The following ITCH variants were observed in gnomAD, a reference collection of about 807,000 sequenced individuals.
The protein encoded by ITCH is itchy E3 ubiquitin protein ligase.
In ITCH, 28 loss-of-function variants were observed where a neutral mutation model predicts 126.8. The observed-to-expected ratio is 0.22, with a 90% CI of 0.16 to 0.30. The LOEUF (loss-of-function observed/expected upper bound fraction) is 0.30, where lower values mean the gene tolerates loss of function less well. ITCH is among the 10% of genes least tolerant of loss of function. ITCH has a pLI of 1.00. For synonymous variants in ITCH, 342 were observed against 340.0 expected (o/e 1.01, Z -0.06); for missense variants, 631 against 1,032.4 (o/e 0.61, Z 5.33).
At chr20:34,427,300 A>G (rs1037867198) in intron 7 of ITCH, among the ~76,000 whole-genome samples, 15 of 152,294 alleles carry the variant, frequency 9.8e-5, no homozygotes, top group South Asian at 8.3e-4. Context: ...ATTAAAATCA[A>G]TGGGGCCGGT....
chr20:34,432,175 C>T (rs756155468), intron 7 of ITCH, among the ~76,000 whole-genome samples: 3 of 151,586 alleles, frequency 2.0e-5, no homozygotes, highest in Non-Finnish European at 2.9e-5. Context: ...ATCAGGTTAA[C>T]GCCTTAGCTT....
intron 14 of ITCH, among the ~76,000 whole-genome samples, chr20:34,462,833 C>G (rs1329772786): frequency 1.3e-5 from 2 of 152,142 alleles, no homozygotes; most frequent in Non-Finnish European, 2.9e-5. Flanking sequence ...GTCGAAGTAC[C>G]TCATATTATT....
At chr20:34,492,396 A>G (rs1010657583) in intron 22 of ITCH, 105 bp from the exon 23 acceptor site, 1 of 744,116 alleles carries the variant, frequency 1.3e-6, no homozygotes, top group African/African-American at 1.8e-5. Context: ...GGGACACCTC[A>G]CCTCTAAAAA....
chr20:34,412,295 A>T (rs1040218048), intron 4 of ITCH, among the ~76,000 whole-genome samples: 3 of 152,210 alleles, frequency 2.0e-5, no homozygotes, highest in Admixed American at 1.3e-4. Context: ...GTATGAATTT[A>T]CTTCTGTAGT....
At chr20:34,488,259 A>T (rs184999143) in intron 20 of ITCH, among the ~76,000 whole-genome samples, 1 of 150,952 alleles carries the variant, frequency 6.6e-6, no homozygotes, top group Non-Finnish European at 1.5e-5. Flanking sequence ...CTCAGCTTTT[A>T]TATGAAAACA....
chr20:34,389,697 T>C (rs374058075), intron 2 of ITCH, among the ~76,000 whole-genome samples: 17 of 152,220 alleles, frequency 1.1e-4, no homozygotes, highest in African/African-American at 3.6e-4. Flanking sequence ...AGGGACATTA[T>C]CCCTTTAGGG....
chr20:34,506,580 G>T (rs1348888630), intron 24 of ITCH, among the ~76,000 whole-genome samples: 2 of 152,152 alleles, frequency 1.3e-5, no homozygotes, highest in Non-Finnish European at 2.9e-5. Flanking sequence ...GATCTAGATT[G>T]TGCATTCCTT....
chr20:34,374,504 C>T, intron 2 of ITCH, among the ~76,000 whole-genome samples: 1 of 152,138 alleles, frequency 6.6e-6, no homozygotes, highest in Non-Finnish European at 1.5e-5. Context: ...AAGTGTTAGT[C>T]GTTGTTTTCA....
chr20:34,422,164 C>T (rs998052367), intron 6 of ITCH, among the ~76,000 whole-genome samples: 3 of 152,156 alleles, frequency 2.0e-5, no homozygotes, highest in Non-Finnish European at 4.4e-5. Context: ...TATAAATACT[C>T]TATGAAGTAG....
intron 5 of ITCH, 79 bp from the exon 6 acceptor site, chr20:34,413,663 A>G (rs1202378482): frequency 3.1e-6 from 4 of 1,303,406 alleles, no homozygotes; most frequent in African/African-American, 3.0e-5. Flanking sequence ...TCACATTTTT[A>G]ACAGTTAATT....
chr20:34,486,325 CTTTTT>C (rs75327787), intron 20 of ITCH, among the ~76,000 whole-genome samples: 1 of 144,764 alleles, frequency 6.9e-6, no homozygotes, highest in Non-Finnish European at 1.5e-5. Context: ...CAGTCCACAC[CTTTTT>C]TTTTTTTTCC....
chr20:34,440,078 T>C, intron 8 of ITCH, 77 bp from the exon 9 acceptor site: 1 of 1,046,894 alleles, frequency 9.6e-7, no homozygotes, highest in Non-Finnish European at 1.5e-6. Flanking sequence ...CTGCCTTTTA[T>C]TTTTTACAGT....
In ITCH at chr20:34,429,381, T is replaced by A. The variant is rs1048354019; in HGVS notation, c.521+4856T>A. The stretch of plus-strand genomic sequence containing the variant: ...CTAAAATAACTTAAACTTATTAAAA[T>A]AAATAAAATAAACCGCCAGTACTAT... On this transcript the variant is annotated intron_variant, in intron 7 of 24. Coordinates refer to ENST00000374864, the MANE Select transcript of ITCH (RefSeq NM_031483.7). Among the ~76,000 whole-genome samples, 4 of 152,164 alleles carry A rather than the reference T, an allele frequency of 2.6e-5. No homozygotes were observed. The East Asian group carries it at 7.7e-4, about 29-fold the overall frequency.
chr20:34,452,031 C>G (rs1985318894), intron 12 of ITCH, among the ~76,000 whole-genome samples: 1 of 143,722 alleles, frequency 7.0e-6, no homozygotes, highest in Non-Finnish European at 1.5e-5. Context: ...GATTTTGCCA[C>G]TGTGCTTCAG....
intron 12 of ITCH, among the ~76,000 whole-genome samples, chr20:34,456,174 G>A (rs1600385966): frequency 2.9e-5 from 1 of 34,192 alleles, no homozygotes; most frequent in African/African-American, 2.4e-4. Context: ...GTGTGTGTGT[G>A]TGTGTGTGTG....
intron 15 of ITCH, 34 bp from the exon 16 acceptor site, chr20:34,471,410 A>T (rs371810715): frequency 2.6e-5 from 33 of 1,283,272 alleles, no homozygotes; most frequent in East Asian, 2.3e-4. Flanking sequence ...TATTTTAATG[A>T]TGAGAGTTGA....
intron 16 of ITCH, among the ~76,000 whole-genome samples, chr20:34,472,499 T>C (rs1987744086): frequency 1.3e-5 from 2 of 151,782 alleles, no homozygotes. Context: ...TTAAAATAAC[T>C]AGTGAAAAAA....
In ITCH at chr20:34,365,182, CAG is replaced by C. The variant is rs775228627; in HGVS notation, c.-99+1836_-99+1837del. Among the ~76,000 whole-genome samples the C allele has an allele frequency of 4.6e-5, 7 of 151,728 alleles. No individual in the cohort carries two copies. In the South Asian group the frequency reaches 1.2e-3, roughly 27 times the overall value. On this transcript the variant is annotated intron_variant, in intron 1 of 24. Coordinates refer to ENST00000374864, the MANE Select transcript of ITCH (RefSeq NM_031483.7). The stretch of plus-strand genomic sequence containing the variant: ...TGCCACTGCATTCCAGCCTGGGTGA[CAG>C]AGTGAGACCCTGTCTCAAAAAATAA...
At chr20:34,364,724 CAAAAAAAAA>C (rs1171765663) in intron 1 of ITCH, among the ~76,000 whole-genome samples, 1 of 45,578 alleles carries the variant, frequency 2.2e-5, no homozygotes, top group African/African-American at 1.2e-4. Flanking sequence ...ACTAAAAATA[CAAAAAAAAA>C]AAAAAAAAAA....
Sources: gnomAD v4.1 joint callset for allele counts (sites outside exome capture counted in the v4.1 genomes callset) on GRCh38, gnomAD v4.1.1 for gene constraint, MANE v1.5 for transcripts, NCBI Gene and HGNC (gene_info 2026-07-23, HGNC 2026-07-21) for gene names.